The following DIO2 variants were observed in gnomAD, a reference collection of about 807,000 sequenced individuals.
DIO2 encodes iodothyronine deiodinase 2, also known as type II iodothyronine deiodinase.
Under a neutral mutation model 21.4 loss-of-function variants are expected in DIO2, and 19 were observed. That is an observed-to-expected ratio of 0.89 (90% CI 0.62 to 1.30). The LOEUF (loss-of-function observed/expected upper bound fraction) is 1.30, where lower values mean the gene tolerates loss of function less well. Ranked by LOEUF, DIO2 falls within the 50% of genes most tolerant of loss-of-function variation. The probability of loss-of-function intolerance (pLI) is 0.00; values close to 1 mark genes in which losing one functional copy is unlikely to be tolerated. For missense variants in DIO2, 302 were observed against 338.1 expected (o/e 0.89, Z 0.84); for synonymous variants, 122 against 132.9 (o/e 0.92, Z 0.57).
intron 2 of DIO2, among the ~76,000 whole-genome samples, chr14:80,228,169 TAAG>T (rs1442620795): frequency 1.3e-5 from 2 of 152,202 alleles, no homozygotes; most frequent in African/African-American, 4.8e-5. Context: ...TTGCTCCGAA[TAAG>T]ATTATGACAC....
chr14:80,209,639 G>A (rs545557489), intron 1 of DIO2, among the ~76,000 whole-genome samples: 9 of 152,182 alleles, frequency 5.9e-5, no homozygotes, highest in South Asian at 4.2e-4. Flanking sequence ...TAGATCTCCC[G>A]TCCTCACTGA....
rs200630859 is a variant in DIO2, at chr14:80,223,265, A to G, written c.-277-6528T>C. 5.3e-5 allele frequency among the ~76,000 whole-genome samples: 8 copies of G among 152,274 alleles called. No individual in the cohort carries two copies. In the East Asian group the frequency reaches 1.4e-3, roughly 26 times the overall value. ...ATAATATTTTCAGTCTCACCCATCA[A>G]TGACTGTGTTATTGGCTTAACATAT... is the stretch of plus-strand genomic sequence containing the variant. On this transcript the variant is annotated intron_variant, in intron 2 of 4. Transcript: ENST00000553594.
intron 2 of DIO2, among the ~76,000 whole-genome samples, chr14:80,220,498 C>A (rs1381185159): frequency 6.6e-6 from 1 of 152,026 alleles, no homozygotes; most frequent in Non-Finnish European, 1.5e-5. Flanking sequence ...TAGAGCCATT[C>A]CTTTCATTTT....
chr14:80,215,122 T>C (rs1888322039), upstream of DIO2, among the ~76,000 whole-genome samples: 1 of 152,212 alleles, frequency 6.6e-6, no homozygotes, highest in Non-Finnish European at 1.5e-5. Flanking sequence ...TTCTTAGCAA[T>C]CAACATGTAA....
intron 2 of DIO2, chr14:80,219,518 T>C (rs1888423149): frequency 6.6e-6 from 1 of 151,898 alleles, no homozygotes. Context: ...TTTTTTTTTT[T>C]TTTTTTGGTT....
intron 1 of DIO2, among the ~76,000 whole-genome samples, chr14:80,204,201 AT>A (rs1887860245): frequency 6.6e-6 from 1 of 152,048 alleles, no homozygotes. Context: ...TACAATTTCC[AT>A]TTAAAAAAAA....
In DIO2 at chr14:80,219,135, C is replaced by T. The variant is rs141737290; in HGVS notation, c.-277-2398G>A. 5.0e-3 allele frequency among the ~76,000 whole-genome samples: 758 copies of T among 152,230 alleles called. 6 individuals carry two copies. Among genetic ancestry groups the T allele is most frequent in the African/African-American group, 0.017 (709 of 41,544 alleles). ...CTCAAAAGATTGTCTTTTTATACAA[C>T]AGACTCTCTCTTCTAGGCATTAGAG... is the stretch of plus-strand genomic sequence containing the variant. On this transcript the variant is annotated intron_variant, in intron 2 of 4. Coordinates refer to the DIO2 transcript ENST00000553594.
chr14:80,205,492 C>A, intron 1 of DIO2: 1 of 738,398 alleles, frequency 1.4e-6, no homozygotes, highest in Non-Finnish European at 1.8e-6. Flanking sequence ...ACAAATGCGC[C>A]TCTAACCCCC....
intron 1 of DIO2, among the ~76,000 whole-genome samples, chr14:80,208,568 C>T (rs1305510809): frequency 6.6e-6 from 1 of 152,108 alleles, no homozygotes; most frequent in East Asian, 1.9e-4. Flanking sequence ...AGCACACACC[C>T]CTCTCATCCT....
intron 2 of DIO2, among the ~76,000 whole-genome samples, chr14:80,220,887 A>G (rs1335451191): frequency 1.3e-5 from 2 of 152,230 alleles, no homozygotes; most frequent in Non-Finnish European, 2.9e-5. Context: ...GTAGACATCA[A>G]GATTTCACGA....
Position 80,202,610 on chromosome 14 carries a change from T to G in DIO2, c.*79A>C. The G allele has an allele frequency of 7.0e-7, 1 of 1,422,840 alleles. No individual in the cohort carries two copies. The highest frequency in any genetic ancestry group is 9.4e-7 in the Non-Finnish European group (1 of 1,067,520). The allele number at this position is 1,422,840 out of a possible 1,614,324, so 88.1% of individuals were successfully genotyped here. Reference sequence around the variant, plus strand: ...CTTTCAGTAAGCCAATAGGGCTCTGTTGAAATATGGATTCAGTTCTTAATT... The same window carrying G: ...CTTTCAGTAAGCCAATAGGGCTCTGGTGAAATATGGATTCAGTTCTTAATT... On this transcript the variant is annotated 3_prime_UTR_variant, in exon 2 of 2. Coordinates refer to ENST00000438257, the MANE Select transcript of DIO2 (RefSeq NM_013989.5).
Position 80,202,956 on chromosome 14 carries a change from G to A in DIO2, c.555C>T (p.His185=), listed in dbSNP as rs757538664. 14 of 1,613,828 alleles carry A rather than the reference G, an allele frequency of 8.7e-6. No individual in the cohort carries two copies. The East Asian group carries it at 2.9e-4, about 33-fold the overall frequency. The change falls in exon 2 of 2, where the codon CAC becomes CAT. Residue 185 remains histidine (H), a synonymous_variant. Coordinates refer to ENST00000438257, the MANE Select transcript of DIO2 (RefSeq NM_013989.5). ...CTGCACATCGATCTTCCTGGTTCTGGTGCTTCTTCACCTCAAAAGACAAAG... is the reference window on the plus strand; with the variant it reads ...CTGCACATCGATCTTCCTGGTTCTGATGCTTCTTCACCTCAAAAGACAAAG... The part of the protein sequence containing the change: ...DSSLSFEVKK[H]QNQEDRCAAA...
intron 2 of DIO2, among the ~76,000 whole-genome samples, chr14:80,218,569 A>G (rs1888401344): frequency 6.6e-6 from 1 of 152,184 alleles, no homozygotes; most frequent in East Asian, 1.9e-4. Context: ...CTGGAAAACA[A>G]ATGCTCTCTA....
At chr14:80,203,309 A>AAAAG (rs1555354009) in intron 1 of DIO2, 21 bp from the exon 2 acceptor site, 42 of 1,422,676 alleles carry the variant, frequency 3.0e-5, no homozygotes, top group Non-Finnish European at 3.7e-5. Context: ...AAAAAAAAAA[A>AAAAG]AAGAAGAAGA....
chr14:80,225,207 T>C (rs1377837483), intron 2 of DIO2, among the ~76,000 whole-genome samples: 1 of 152,152 alleles, frequency 6.6e-6, no homozygotes, highest in Non-Finnish European at 1.5e-5. Flanking sequence ...CTTTGCATCC[T>C]TCAATCCAAT....
chr14:80,213,627 C>T (rs896869817), upstream of DIO2, among the ~76,000 whole-genome samples: 1 of 152,156 alleles, frequency 6.6e-6, no homozygotes, highest in Non-Finnish European at 1.5e-5. Context: ...CACCTAGAAC[C>T]ATGCTTGGCG....
rs924706840 is a variant in DIO2 at position 80,205,116 on chromosome 14, T to C, written c.223-1828A>G. Among the ~76,000 whole-genome samples, 36 of 152,328 alleles carry C rather than the reference T, an allele frequency of 2.4e-4. No individual in the cohort carries two copies. In the Middle Eastern group the frequency reaches 0.01, roughly 43 times the overall value. On this transcript the variant is annotated intron_variant, in intron 1 of 1. Transcript: ENST00000438257. ...CTTTCATATGAACTACCCTAGTCTT[T>C]AAGGCATGAAAATATACATCAAATT...
chr14:80,213,082 T>C (rs1485638719), upstream of DIO2, among the ~76,000 whole-genome samples: 1 of 152,186 alleles, frequency 6.6e-6, no homozygotes, highest in African/African-American at 2.4e-5. Flanking sequence ...AAAAAAATTT[T>C]AATTAAATGT....
chr14:80,217,374 A>G (rs1225085799), intron 2 of DIO2, among the ~76,000 whole-genome samples: 1 of 152,244 alleles, frequency 6.6e-6, no homozygotes, highest in East Asian at 1.9e-4. Context: ...ATAACATTAC[A>G]TAAACAACAC....
Sources: allele counts gnomAD v4.1 joint callset (sites outside exome capture counted in the v4.1 genomes callset), GRCh38; gene constraint gnomAD v4.1.1; transcripts MANE v1.5; gene names NCBI Gene and HGNC (gene_info 2026-07-23, HGNC 2026-07-21).